Variants in SRGAP1 observed in about 807,000 individuals in gnomAD.
The protein encoded by SRGAP1 is SLIT-ROBO Rho GTPase activating protein 1, also known as SLIT-ROBO Rho GTPase-activating protein 1.
A neutral mutation model predicts 121.9 loss-of-function variants in SRGAP1; 43 were observed. The ratio of observed to expected loss-of-function variants is 0.35; its 90% CI spans 0.28 to 0.46. The LOEUF is 0.46. Among genes scored for constraint, SRGAP1 ranks in the 20% least tolerant of loss-of-function variants. The probability of loss-of-function intolerance (pLI) is 1.00; values close to 1 mark genes in which losing one functional copy is unlikely to be tolerated. For missense variants in SRGAP1, 1,102 were observed against 1,350.9 expected (o/e 0.82, Z 2.89); for synonymous variants, 447 against 485.4 (o/e 0.92, Z 1.04).
chr12:64,066,009 T>G (rs559016435), intron 8 of SRGAP1, among the ~76,000 whole-genome samples: 46 of 146,898 alleles, frequency 3.1e-4, no homozygotes, highest in African/African-American at 1.0e-3. Flanking sequence ...CACGTTCTCC[T>G]AAAATAAAGA....
At chr12:63,850,125 G>T (rs939408789) in intron 1 of SRGAP1, among the ~76,000 whole-genome samples, 6 of 152,150 alleles carry the variant, frequency 3.9e-5, no homozygotes, top group African/African-American at 1.2e-4. Context: ...TGGTTAATAT[G>T]TACAAATATG....
In SRGAP1 at chr12:64,091,329, C is replaced by G; in HGVS notation, c.1490C>G (p.Ser497Ter). 1.9e-6 allele frequency: 3 copies of G among 1,611,804 alleles called. No homozygotes were observed. Among genetic ancestry groups the G allele is most frequent in the Non-Finnish European group, 2.5e-6 (3 of 1,178,632 alleles). ...AAACACAGGAAGTCCAGGCCCCGCT[C>G]ACAGTATAATACTAAGTTGTTTAAT... ...PQKHRKSRPR[S>*]QYNTKLFNGD... The change falls in exon 12 of 22, where the codon TCA becomes TGA. Residue 497 changes from serine (S) to a stop codon, truncating the protein, a stop_gained. Coordinates refer to ENST00000355086, the MANE Select transcript of SRGAP1 (RefSeq NM_020762.4). LOFTEE classifies it high-confidence loss of function.
At chr12:63,869,550 T>G (rs1390464136) in intron 1 of SRGAP1, among the ~76,000 whole-genome samples, 1 of 152,198 alleles carries the variant, frequency 6.6e-6, no homozygotes, top group Non-Finnish European at 1.5e-5. Flanking sequence ...CTAAATGTCC[T>G]TGGTCAGCAC....
intron 9 of SRGAP1, among the ~76,000 whole-genome samples, chr12:64,079,889 G>T (rs1257387938): frequency 6.6e-6 from 1 of 152,070 alleles, no homozygotes; most frequent in East Asian, 1.9e-4. Flanking sequence ...GCGTCTAGAA[G>T]ATCAAAGTGG....
intron 1 of SRGAP1, among the ~76,000 whole-genome samples, chr12:63,939,593 C>G (rs1337301688): frequency 6.6e-6 from 1 of 152,146 alleles, no homozygotes; most frequent in Non-Finnish European, 1.5e-5. Flanking sequence ...GAGTGGGCCC[C>G]TGGCTTCCTG....
At chr12:63,944,636 A>T (rs919454360) in intron 1 of SRGAP1, among the ~76,000 whole-genome samples, 2 of 152,170 alleles carry the variant, frequency 1.3e-5, no homozygotes, top group Non-Finnish European at 2.9e-5. Context: ...ACAGTAGTAG[A>T]TGTGAAAGCT....
rs369619577 is a variant in SRGAP1 at position 64,128,000 on chromosome 12, C to T, written c.2680C>T (p.Arg894Trp). The T allele has an allele frequency of 1.8e-5, 29 of 1,614,194 alleles. No homozygotes were observed. The highest frequency in any genetic ancestry group is 1.6e-4 in the Middle Eastern group (1 of 6,062). ...LGSPSLASHP[R>W]GLLQNRGLNN... is the part of the protein sequence containing the mutation. ...GTCCCCAAGCCTTGCCAGTCACCCC[C>T]GGGGCCTGCTGCAGAACCGTGGCCT... The change falls in exon 21 of 22, where the codon CGG becomes TGG. Residue 894 changes from arginine to tryptophan, a missense_variant. This residue lies in a region of SRGAP1 where 315 missense variants were observed against 343.1 expected (regional missense o/e 0.92). Coordinates refer to ENST00000355086, the MANE Select transcript of SRGAP1 (RefSeq NM_020762.4).
rs188374653 is a variant in SRGAP1, at chr12:64,090,002, A to T, written c.1437-1274A>T. Among the ~76,000 whole-genome samples the T allele has an allele frequency of 1.5e-3, 233 of 152,362 alleles. 1 individual carries two copies. Among genetic ancestry groups the T allele is most frequent in the African/African-American group, 5.3e-3 (221 of 41,594 alleles). ...TAAATTTTCCTAGAGTCTGAAGCTT[A>T]ATGAAGGGCTTTACACAATTTCCTG... On this transcript the variant is annotated intron_variant, in intron 11 of 21. Transcript: ENST00000355086.
intron 16 of SRGAP1, among the ~76,000 whole-genome samples, chr12:64,109,530 C>T (rs530142308): frequency 1.2e-4 from 18 of 152,154 alleles, no homozygotes; most frequent in Admixed American, 2.6e-4. Flanking sequence ...TCAAAATGTT[C>T]TCCTAAACAG....
At chr12:64,127,490 A>G (rs1468039344) in intron 19 of SRGAP1, 100 bp from the exon 20 acceptor site, 1 of 1,212,412 alleles carries the variant, frequency 8.2e-7, no homozygotes, top group Non-Finnish European at 1.1e-6. Context: ...TATTTCATAC[A>G]TAAATGCTAT....
intron 6 of SRGAP1, among the ~76,000 whole-genome samples, chr12:64,048,988 C>G (rs1460853436): frequency 6.6e-6 from 1 of 152,108 alleles, no homozygotes; most frequent in African/African-American, 2.4e-5. Flanking sequence ...TTTTGCTGCA[C>G]AGAAGCTTTT....
chr12:64,106,615 G>T (rs1206811862), intron 15 of SRGAP1, among the ~76,000 whole-genome samples: 1 of 152,190 alleles, frequency 6.6e-6, no homozygotes, highest in Admixed American at 6.5e-5. Flanking sequence ...GACATGTCTT[G>T]ATCCTACCAG....
intron 3 of SRGAP1, among the ~76,000 whole-genome samples, chr12:64,005,595 A>G (rs796570015): frequency 4.6e-5 from 7 of 152,290 alleles, no homozygotes; most frequent in African/African-American, 9.6e-5. Flanking sequence ...GCAGTGAGCT[A>G]TGATTGCACC....
In SRGAP1 at chr12:63,868,085, TTTTTTTTG is replaced by T. The variant is rs1899721009; in HGVS notation, c.67+23209_67+23216del. ...TTTTTTTTTTTTTTTTTTTGTTTTT[TTTTTTTTG>T]TTTTTTGAGATAGAGTTTCACTCTG... is the stretch of plus-strand genomic sequence containing the variant. On this transcript the variant is annotated intron_variant, in intron 1 of 21. Transcript: ENST00000355086. 6.8e-4 allele frequency among the ~76,000 whole-genome samples: 55 copies of T among 81,126 alleles called. 1 individual carries two copies. The East Asian group carries it at 1.0e-2, about 15-fold the overall frequency. 53.2% of individuals were successfully genotyped at this position (81,126 alleles called of 152,430 possible).
chr12:63,890,207 C>T (rs544014276), intron 1 of SRGAP1, among the ~76,000 whole-genome samples: 1 of 152,262 alleles, frequency 6.6e-6, no homozygotes, highest in South Asian at 2.1e-4. Context: ...GAAGTTAGTG[C>T]TGTTTTTACC....
At chr12:63,903,833 C>T (rs1006381587) in intron 1 of SRGAP1, among the ~76,000 whole-genome samples, 5 of 151,772 alleles carry the variant, frequency 3.3e-5, no homozygotes, top group African/African-American at 1.2e-4. Flanking sequence ...CGGGGTTTCA[C>T]TGTGTTGGCC....
chr12:64,113,403 G>A (rs1171467493), intron 17 of SRGAP1, among the ~76,000 whole-genome samples: 1 of 151,910 alleles, frequency 6.6e-6, no homozygotes, highest in Non-Finnish European at 1.5e-5. Context: ...GCAAGATTCT[G>A]TCTCAAAAAA....
chr12:63,949,916 T>C (rs1331219499), intron 1 of SRGAP1, among the ~76,000 whole-genome samples: 1 of 152,182 alleles, frequency 6.6e-6, no homozygotes, highest in East Asian at 1.9e-4. Flanking sequence ...CTGATACTGA[T>C]TGAACCTAAT....
chr12:63,924,028 C>G (rs559091914), intron 1 of SRGAP1, among the ~76,000 whole-genome samples: 17 of 152,242 alleles, frequency 1.1e-4, no homozygotes, highest in Admixed American at 5.2e-4. Flanking sequence ...GTAATCCCAG[C>G]TACTTGAGAG....
Sources: gnomAD v4.1 joint callset for allele counts (sites outside exome capture counted in the v4.1 genomes callset) on GRCh38, gnomAD v4.1.1 for gene constraint, gnomAD v4.1.1 regional missense constraint, MANE v1.5 for transcripts, NCBI Gene and HGNC (gene_info 2026-07-23, HGNC 2026-07-21) for gene names.